Variants in CBLC observed in about 807,000 individuals in gnomAD.
The protein encoded by CBLC is E3 ubiquitin-protein ligase CBL-C.
In CBLC, 46 loss-of-function variants were observed where a neutral mutation model predicts 58.6. That is an observed-to-expected ratio of 0.79 (90% CI 0.62 to 1.00). The LOEUF is 1.00. Among genes scored for constraint, CBLC ranks in the 50% least tolerant of loss-of-function variants. The pLI is 0.00. For missense variants in CBLC, 655 were observed against 625.8 expected, an observed-to-expected ratio of 1.05 and a Z score of -0.50; for synonymous variants, 271 against 264.2, an observed-to-expected ratio of 1.03 and a Z score of -0.25.
rs1239786858 is a variant in CBLC at position 44,784,343 on chromosome 19, A to G, written c.859A>G (p.Thr287Ala). The G allele has an allele frequency of 1.2e-6, 2 of 1,602,432 alleles. No individual in the cohort carries two copies. Among genetic ancestry groups the G allele is most frequent in the Non-Finnish European group, 1.7e-6 (2 of 1,170,644 alleles). The change falls in exon 5 of 11, where the codon ACC becomes GCC. Residue 287 changes from threonine (T) to alanine (A), a missense_variant. Coordinates refer to ENST00000647358, the MANE Select transcript of CBLC (RefSeq NM_012116.4). ...YVSSDGSILQ[T>A]IPANKPLSQV... ...GAGCTCAGATGGCAGCATCCTGCAG[A>G]CCATCCCTGCCAACAAACCCCTGTC...
At position 44,782,370 on chromosome 19, in the gene CBLC, C is replaced by T; in HGVS notation, c.658C>T (p.Pro220Ser). The change falls in exon 4 of 11, where the codon CCA (proline) becomes TCA (serine). Residue 220 changes from proline (P) to serine (S), a missense_variant and splice_region_variant. Pro to Ser is a moderately conservative substitution (Grantham distance 74). This residue lies in a region of CBLC where 371 missense variants were observed against 370.8 expected (regional missense o/e 1.00). Coordinates refer to ENST00000647358, the MANE Select transcript of CBLC (RefSeq NM_012116.4). ...EFDVFTRLFQ[P>S]WPTLLKNWQL... Reference sequence around the variant, plus strand: ...TGACCCAAGCCCTGCCCCACCCCAGCCATGGCCAACACTCCTCAAGAACTG... The same window carrying T: ...TGACCCAAGCCCTGCCCCACCCCAGTCATGGCCAACACTCCTCAAGAACTG... The T allele has an allele frequency of 6.2e-7, 1 of 1,613,740 alleles. No homozygotes were observed. Among genetic ancestry groups the T allele is most frequent in the Non-Finnish European group, 8.5e-7 (1 of 1,179,768 alleles).
chr19:44,794,729 C>T (rs1010365475), intron 9 of CBLC, among the ~76,000 whole-genome samples: 5 of 152,052 alleles, frequency 3.3e-5, no homozygotes, highest in South Asian at 2.1e-4. Flanking sequence ...TCCCACAGTG[C>T]GGGGATTACA....
intron 9 of CBLC, among the ~76,000 whole-genome samples, chr19:44,795,882 A>G (rs1968168737): frequency 6.6e-6 from 1 of 152,078 alleles, no homozygotes; most frequent in Admixed American, 6.6e-5. Flanking sequence ...AAATGAATAC[A>G]CTGAAGTGAG....
At chr19:44,785,821 C>A (rs977806848) in intron 5 of CBLC, among the ~76,000 whole-genome samples, 3 of 151,666 alleles carry the variant, frequency 2.0e-5, no homozygotes, top group African/African-American at 7.3e-5. Context: ...ACCTGTAATC[C>A]CAACTACTCC....
chr19:44,797,888 C>A (rs78253907), intron 9 of CBLC, among the ~76,000 whole-genome samples: 13,957 of 151,788 alleles, frequency 0.092, 736 homozygotes, highest in South Asian at 0.19. Flanking sequence ...CTACAGGTGC[C>A]TGTCTCCACA....
At position 44,786,432 on chromosome 19, in the gene CBLC, A is replaced by C. The variant is rs376274584; in HGVS notation, c.917+2031A>C. Among the ~76,000 whole-genome samples the C allele has an allele frequency of 1.7e-4, 26 of 151,524 alleles. 1 individual carries two copies. The East Asian group carries it at 2.9e-3, about 17-fold the overall frequency. On this transcript the variant is annotated intron_variant, in intron 5 of 10. Transcript: ENST00000647358. ...CTGTGAAACCCCGTCTCTACTAAAAACACACAAAAAAAATTAGCCGGGCGT... is the reference window on the plus strand; with the variant it reads ...CTGTGAAACCCCGTCTCTACTAAAACCACACAAAAAAAATTAGCCGGGCGT...
chr19:44,782,257 G>C, intron 3 of CBLC, 113 bp from the exon 4 acceptor site: 1 of 1,471,418 alleles, frequency 6.8e-7, no homozygotes, highest in Non-Finnish European at 9.3e-7. Context: ...GGATATGCCT[G>C]AGGCCCACCA....
At chr19:44,779,567 T>C (rs1967666660) in intron 1 of CBLC, among the ~76,000 whole-genome samples, 1 of 151,620 alleles carries the variant, frequency 6.6e-6, no homozygotes, top group African/African-American at 2.4e-5. Flanking sequence ...TTTTTTTTTT[T>C]TGGACACAAG....
In CBLC at chr19:44,778,195, G is replaced by A. The variant is rs900367969; in HGVS notation, c.264G>A (p.Glu88=). ...DFLLIYLANL[E]AKSRQVAALL... is the part of the protein sequence containing the mutation. ...TACTCATCTACCTGGCCAATCTGGA[G>A]GCCAAGAGCAGGCAGGTGGCCGCGC... Residue 88 remains glutamate, a synonymous_variant, in exon 1 of 11, where the codon GAG becomes GAA. Coordinates refer to ENST00000647358, the MANE Select transcript of CBLC (RefSeq NM_012116.4). 4.0e-6 allele frequency: 6 copies of A among 1,514,200 alleles called. No individual in the cohort carries two copies. The highest frequency in any genetic ancestry group is 2.3e-5 in the Admixed American group (1 of 43,458). The allele number at this position is 1,514,200 out of a possible 1,614,324, so 93.8% of individuals were successfully genotyped here.
intron 5 of CBLC, among the ~76,000 whole-genome samples, chr19:44,785,807 G>A (rs554619397): frequency 1.5e-4 from 23 of 151,648 alleles, no homozygotes; most frequent in Non-Finnish European, 2.1e-4. Flanking sequence ...GTGCAGTGGC[G>A]TGCACCTGTA....
At position 44,792,094 on chromosome 19, in the gene CBLC, A is replaced by G. The variant is rs1264261592; in HGVS notation, c.1006-289A>G. Reference sequence around the variant, plus strand: ...CTGTAACCTCCATCTCCCGGGTTCAAGCGATTCTCCTGCCTCAGCCTCCTG... The same window carrying G: ...CTGTAACCTCCATCTCCCGGGTTCAGGCGATTCTCCTGCCTCAGCCTCCTG... On this transcript the variant is annotated intron_variant, in intron 6 of 10. Transcript: ENST00000647358. 6.6e-6 allele frequency among the ~76,000 whole-genome samples: 1 copy of G among 151,752 alleles called. No individual in the cohort carries two copies. Among genetic ancestry groups the G allele is most frequent in the African/African-American group, 2.4e-5 (1 of 41,310 alleles).
At chr19:44,799,391 G>A (rs757967710) in intron 9 of CBLC, among the ~76,000 whole-genome samples, 3 of 152,150 alleles carry the variant, frequency 2.0e-5, no homozygotes, top group Non-Finnish European at 4.4e-5. Context: ...GGAGTGCAGT[G>A]GTGCAATCTT....
Position 44,777,948 on chromosome 19 carries a change from C to A in CBLC, c.17C>A (p.Ala6Asp). The change falls in exon 1 of 11, where the codon GCC (alanine) becomes GAC (aspartate). Residue 6 changes from alanine (A) to aspartate (D), a missense_variant. This residue lies in a region of CBLC where 280 missense variants were observed against 237.2 expected (regional missense o/e 1.18). Transcript: ENST00000647358. ...GAGGCTCCCATGGCTCTGGCGGTGG[C>A]CCCGTGGGGGCGACAGTGGGAAGAG... is the stretch of plus-strand genomic sequence containing the variant. MALAV[A>D]PWGRQWEEAR... The A allele has an allele frequency of 2.5e-6, 4 of 1,595,612 alleles. No homozygotes were observed. The highest frequency in any genetic ancestry group is 3.4e-6 in the Non-Finnish European group (4 of 1,174,512).
chr19:44,786,078 G>A (rs555472189), intron 5 of CBLC, among the ~76,000 whole-genome samples: 3 of 152,072 alleles, frequency 2.0e-5, no homozygotes, highest in Non-Finnish European at 2.9e-5. Flanking sequence ...CAGATTACAG[G>A]TGTGAACCAC....
chr19:44,793,955 G>A (rs1047296929), intron 8 of CBLC, among the ~76,000 whole-genome samples: 4 of 152,080 alleles, frequency 2.6e-5, no homozygotes, highest in Non-Finnish European at 4.4e-5. Context: ...ACACTCCTGG[G>A]TTCTAGGAGA....
At chr19:44,798,889 A>G (rs537647925) in intron 9 of CBLC, among the ~76,000 whole-genome samples, 13 of 152,210 alleles carry the variant, frequency 8.5e-5, no homozygotes, top group Non-Finnish European at 1.5e-4. Context: ...CTTTCCGGCA[A>G]CATTGGACCC....
At position 44,784,393 on chromosome 19, in the gene CBLC, G is replaced by A; in HGVS notation, c.909G>A (p.Lys303=). The change falls in exon 5 of 11, where the codon AAG becomes AAA. Residue 303 remains lysine, a synonymous_variant. Coordinates refer to ENST00000647358, the MANE Select transcript of CBLC (RefSeq NM_012116.4). ...CCCAGGTGCTCCTGGAGGGACAGAA[G>A]GACGGCTTGTGAGTCTCCATTCTGG... is the stretch of plus-strand genomic sequence containing the variant. ...PLSQVLLEGQ[K]DGFYLYPDGK... 6.3e-7 allele frequency: 1 copy of A among 1,583,218 alleles called. No individual in the cohort carries two copies. Among genetic ancestry groups the A allele is most frequent in the Non-Finnish European group, 8.7e-7 (1 of 1,155,926 alleles).
At chr19:44,794,013 T>C (rs1968124761) in intron 8 of CBLC, 191 bp from the exon 9 acceptor site, 5 of 531,852 alleles carry the variant, frequency 9.4e-6, no homozygotes, top group Non-Finnish European at 1.2e-5. Flanking sequence ...ACTGGTCTTT[T>C]GCTTCCCCAA....
chr19:44,788,863 C>T (rs1389115989), intron 5 of CBLC, among the ~76,000 whole-genome samples: 1 of 152,114 alleles, frequency 6.6e-6, no homozygotes, highest in Non-Finnish European at 1.5e-5. Context: ...GTCCATGTTA[C>T]AGAAGGGGAA....
Sources: allele counts gnomAD v4.1 joint callset (sites outside exome capture counted in the v4.1 genomes callset), GRCh38; gene constraint gnomAD v4.1.1; regional missense constraint gnomAD v4.1.1; transcripts MANE v1.5; gene names NCBI Gene and HGNC (gene_info 2026-07-23, HGNC 2026-07-21).